The following RAP1GDS1 variants were observed in gnomAD, a reference collection of about 807,000 sequenced individuals.
RAP1GDS1 encodes RAP1, GTP-GDP dissociation stimulator 1.
A neutral mutation model predicts 71.1 loss-of-function variants in RAP1GDS1; 35 were observed. The observed-to-expected ratio is 0.49, with a 90% confidence interval of 0.38 to 0.65. The LOEUF is 0.65. Among genes scored for constraint, RAP1GDS1 ranks in the 30% least tolerant of loss-of-function variants. The pLI is 0.00. For missense variants in RAP1GDS1, 663 were observed against 706.1 expected (o/e 0.94, Z 0.69); for synonymous variants, 229 against 243.1 (o/e 0.94, Z 0.54).
chr4:98,269,127 TAG>T (rs1305890792), intron 1 of RAP1GDS1, among the ~76,000 whole-genome samples: 1 of 101,714 alleles, frequency 9.8e-6, no homozygotes, highest in African/African-American at 4.0e-5. Flanking sequence ...TGGAACAGAA[TAG>T]AGAGGCCAGA....
At chr4:98,329,271 C>G (rs1733590929) in intron 2 of RAP1GDS1, among the ~76,000 whole-genome samples, 1 of 152,016 alleles carries the variant, frequency 6.6e-6, no homozygotes, top group Non-Finnish European at 1.5e-5. Flanking sequence ...ATTAAATTGC[C>G]TAAAGAGAAA....
At chr4:98,422,390 G>A (rs1749019251) in intron 12 of RAP1GDS1, among the ~76,000 whole-genome samples, 1 of 151,804 alleles carries the variant, frequency 6.6e-6, no homozygotes, top group South Asian at 2.1e-4. Flanking sequence ...GCTAATTTTT[G>A]TATTTTTAGT....
At chr4:98,372,009 TC>T (rs1740453563) in intron 4 of RAP1GDS1, among the ~76,000 whole-genome samples, 1 of 152,158 alleles carries the variant, frequency 6.6e-6, no homozygotes, top group Non-Finnish European at 1.5e-5. Flanking sequence ...TCTACCATCT[TC>T]CTAGTTGTTT....
intron 2 of RAP1GDS1, among the ~76,000 whole-genome samples, chr4:98,295,961 G>C (rs1467654399): frequency 1.3e-5 from 2 of 151,970 alleles, no homozygotes; most frequent in Non-Finnish European, 2.9e-5. Context: ...TTGAGCCATT[G>C]CTACTTCTGT....
At chr4:98,295,399 C>T (rs1282987859) in intron 2 of RAP1GDS1, among the ~76,000 whole-genome samples, 4 of 152,084 alleles carry the variant, frequency 2.6e-5, no homozygotes, top group African/African-American at 9.7e-5. Context: ...TGCCCTCAAG[C>T]CTAAGACTAC....
intron 12 of RAP1GDS1, among the ~76,000 whole-genome samples, chr4:98,429,036 A>T (rs1750014596): frequency 6.6e-6 from 1 of 152,192 alleles, no homozygotes; most frequent in South Asian, 2.1e-4. Context: ...AGGCAGGCAG[A>T]TCACCAAGTC....
At chr4:98,394,081 T>TCTAA (rs1401434960) in intron 6 of RAP1GDS1, among the ~76,000 whole-genome samples, 2 of 152,160 alleles carry the variant, frequency 1.3e-5, no homozygotes, top group African/African-American at 4.8e-5. Context: ...ATTTATCTCA[T>TCTAA]CTAACTTTAA....
intron 3 of RAP1GDS1, among the ~76,000 whole-genome samples, chr4:98,345,126 T>G (rs1231282190): frequency 8.5e-5 from 13 of 152,188 alleles, no homozygotes. Context: ...AGCCACTGAT[T>G]CTGGCCTTTG....
At chr4:98,266,665 A>T (rs1279601032) in intron 1 of RAP1GDS1, among the ~76,000 whole-genome samples, 3 of 151,942 alleles carry the variant, frequency 2.0e-5, no homozygotes, top group African/African-American at 7.2e-5. Flanking sequence ...AAATTTAAAA[A>T]TTTTTCTTAT....
intron 2 of RAP1GDS1, among the ~76,000 whole-genome samples, chr4:98,336,550 A>G (rs1351521660): frequency 6.6e-6 from 1 of 152,132 alleles, no homozygotes; most frequent in African/African-American, 2.4e-5. Flanking sequence ...TCTGTTTCTG[A>G]TGGTGAATCA....
chr4:98,338,489 C>T (rs773498248), intron 2 of RAP1GDS1, among the ~76,000 whole-genome samples: 1 of 152,054 alleles, frequency 6.6e-6, no homozygotes, highest in Non-Finnish European at 1.5e-5. Context: ...TAAAATCTAC[C>T]CCTTGAGAAA....
intron 9 of RAP1GDS1, among the ~76,000 whole-genome samples, chr4:98,418,411 G>T (rs1297426888): frequency 6.6e-6 from 1 of 152,036 alleles, no homozygotes; most frequent in African/African-American, 2.4e-5. Context: ...ATATTATCTG[G>T]CTCTAAACTA....
chr4:98,313,940 G>A (rs1412786980), intron 2 of RAP1GDS1, among the ~76,000 whole-genome samples: 2 of 152,082 alleles, frequency 1.3e-5, no homozygotes, highest in Non-Finnish European at 1.5e-5. Context: ...AAATTGGGTC[G>A]TTGTTTTGTT....
At chr4:98,392,274 G>A (rs1436651096) in intron 6 of RAP1GDS1, 194 bp downstream of exon 6, 10 of 435,590 alleles carry the variant, frequency 2.3e-5, no homozygotes, top group Admixed American at 4.3e-5. Flanking sequence ...TTATGAGAGC[G>A]TTTTATTTCC....
intron 2 of RAP1GDS1, among the ~76,000 whole-genome samples, chr4:98,307,950 T>C (rs1729576733): frequency 6.6e-6 from 1 of 152,068 alleles, no homozygotes; most frequent in South Asian, 2.1e-4. Flanking sequence ...TGTTTCACCA[T>C]TAAATATAAC....
chr4:98,313,681 C>G (rs148019269), intron 2 of RAP1GDS1, among the ~76,000 whole-genome samples: 1 of 151,984 alleles, frequency 6.6e-6, no homozygotes, highest in East Asian at 1.9e-4. Context: ...CTCATCGCCA[C>G]AAAAAAATTT....
chr4:98,290,602 C>T (rs1277939382), intron 1 of RAP1GDS1, among the ~76,000 whole-genome samples: 1 of 151,888 alleles, frequency 6.6e-6, no homozygotes, highest in Non-Finnish European at 1.5e-5. Flanking sequence ...CATAAAGAGC[C>T]TCTGGTGCCT....
At chr4:98,352,707 A>G in intron 4 of RAP1GDS1, 106 bp downstream of exon 4, 5 of 1,213,142 alleles carry the variant, frequency 4.1e-6, no homozygotes, top group Non-Finnish European at 5.7e-6. Context: ...AAACACTAAC[A>G]TGGGCCGGCA....
At chr4:98,405,012 A>G (rs1268364914) in intron 7 of RAP1GDS1, among the ~76,000 whole-genome samples, 1 of 152,184 alleles carries the variant, frequency 6.6e-6, no homozygotes, top group Non-Finnish European at 1.5e-5. Flanking sequence ...TCGTAGAAAT[A>G]AGAATGAATC....
Sources: gnomAD v4.1 joint callset for allele counts (sites outside exome capture counted in the v4.1 genomes callset) on GRCh38, gnomAD v4.1.1 for gene constraint, MANE v1.5 for transcripts, NCBI Gene and HGNC (gene_info 2026-07-23, HGNC 2026-07-21) for gene names.